Variants in HAPLN1 observed in about 807,000 individuals in gnomAD.
The protein encoded by HAPLN1 is hyaluronan and proteoglycan link protein 1.
A neutral mutation model predicts 36.5 loss-of-function variants in HAPLN1; 13 were observed. That is an observed-to-expected ratio of 0.36 (90% CI 0.23 to 0.57). HAPLN1 has a LOEUF of 0.57. Ranked by LOEUF, HAPLN1 falls within the 20% of genes least tolerant of loss-of-function variation. HAPLN1 has a pLI of 0.83. For missense variants in HAPLN1, 407 were observed against 439.7 expected (o/e 0.93, Z 0.66); for synonymous variants, 202 against 169.8 (o/e 1.19, Z -1.48).
At chr5:83,677,638 G>A (rs767287021) in intron 1 of HAPLN1, among the ~76,000 whole-genome samples, 2 of 152,134 alleles carry the variant, frequency 1.3e-5, no homozygotes, top group Non-Finnish European at 2.9e-5. Context: ...AGAAAAGTGA[G>A]CTCTATTCCA....
chr5:83,654,769 A>G (rs1194835818), intron 2 of HAPLN1, among the ~76,000 whole-genome samples: 5 of 152,232 alleles, frequency 3.3e-5, no homozygotes, highest in Admixed American at 6.5e-5. Flanking sequence ...ATATCATAGC[A>G]GTTGTGAACA....
At chr5:83,692,777 G>A (rs1020608313) in intron 1 of HAPLN1, among the ~76,000 whole-genome samples, 1 of 151,818 alleles carries the variant, frequency 6.6e-6, no homozygotes, top group Non-Finnish European at 1.5e-5. Context: ...AGGTAAAAAT[G>A]ATATGAATGT....
At chr5:83,695,439 T>A (rs1751370364) in intron 1 of HAPLN1, among the ~76,000 whole-genome samples, 1 of 151,904 alleles carries the variant, frequency 6.6e-6, no homozygotes, top group Admixed American at 6.6e-5. Flanking sequence ...ATTCATTACA[T>A]TAAGAGATAG....
At chr5:83,697,537 G>T (rs768208483) in intron 1 of HAPLN1, among the ~76,000 whole-genome samples, 13 of 151,968 alleles carry the variant, frequency 8.6e-5, no homozygotes, top group Non-Finnish European at 1.6e-4. Flanking sequence ...CATATTTTTT[G>T]AATTCTGGGC....
In HAPLN1 at chr5:83,648,430, T is replaced by C. The variant is rs920707231; in HGVS notation, c.473-3765A>G. ...ATATATATATATATATATATATATATATATATATGGTTTGAATCCAAGACA... is the reference window on the plus strand; with the variant it reads ...ATATATATATATATATATATATATACATATATATGGTTTGAATCCAAGACA... On this transcript the variant is annotated intron_variant, in intron 3 of 4. Coordinates refer to ENST00000274341, the MANE Select transcript of HAPLN1 (RefSeq NM_001884.4). Among the ~76,000 whole-genome samples the C allele has an allele frequency of 1.1e-3, 143 of 125,712 alleles. 2 individuals carry two copies. The highest frequency in any genetic ancestry group is 4.0e-3 in the African/African-American group (135 of 33,720). The allele number at this position is 125,712 out of a possible 152,430, so 82.5% of individuals were successfully genotyped here. A position where few individuals can be genotyped will look rare whatever the true frequency, so the allele number is the denominator to read the frequency against.
intron 1 of HAPLN1, among the ~76,000 whole-genome samples, chr5:83,712,957 T>C (rs1413578842): frequency 6.6e-6 from 1 of 150,654 alleles, no homozygotes; most frequent in Non-Finnish European, 1.5e-5. Flanking sequence ...TGACCTAAGA[T>C]TTAGAAGCCT....
intron 1 of HAPLN1, chr5:83,673,798 A>G: frequency 2.8e-6 from 1 of 352,216 alleles, no homozygotes; most frequent in Non-Finnish European, 5.1e-6. Context: ...TAAATCTAGA[A>G]ATTTAAAACA....
At chr5:83,679,095 T>C (rs960965834) in intron 1 of HAPLN1, among the ~76,000 whole-genome samples, 2 of 152,190 alleles carry the variant, frequency 1.3e-5, no homozygotes, top group Non-Finnish European at 2.9e-5. Context: ...TATATTTCAG[T>C]TTAATATTTA....
chr5:83,682,136 C>A (rs1462358690), intron 1 of HAPLN1, among the ~76,000 whole-genome samples: 1 of 152,182 alleles, frequency 6.6e-6, no homozygotes, highest in Non-Finnish European at 1.5e-5. Flanking sequence ...AAAATTTCAA[C>A]AGCTGTCAGT....
chr5:83,651,631 G>A (rs1009720762), intron 3 of HAPLN1, among the ~76,000 whole-genome samples: 2 of 39,272 alleles, frequency 5.1e-5, no homozygotes, highest in African/African-American at 2.0e-4. Flanking sequence ...TCTAGCAAGC[G>A]TACACTTAGA....
chr5:83,711,300 A>G (rs1018974297), intron 1 of HAPLN1, among the ~76,000 whole-genome samples: 16 of 152,226 alleles, frequency 1.1e-4, no homozygotes, highest in African/African-American at 3.9e-4. Context: ...GCCATAAAGC[A>G]TGAAAGATAC....
At chr5:83,698,868 C>T (rs1185833274) in intron 1 of HAPLN1, among the ~76,000 whole-genome samples, 2 of 152,122 alleles carry the variant, frequency 1.3e-5, no homozygotes, top group Non-Finnish European at 2.9e-5. Flanking sequence ...ACTTCATCAG[C>T]ATGGATATAG....
At chr5:83,650,327 G>A (rs1430846236) in intron 3 of HAPLN1, among the ~76,000 whole-genome samples, 1 of 152,128 alleles carries the variant, frequency 6.6e-6, no homozygotes, top group Non-Finnish European at 1.5e-5. Context: ...AAAATAAATA[G>A]AACATATGAT....
At chr5:83,674,118 T>C (rs1408679895) in intron 1 of HAPLN1, 1 of 152,934 alleles carries the variant, frequency 6.5e-6, no homozygotes, top group Non-Finnish European at 1.5e-5. Context: ...GCACATTTGT[T>C]ACAGATTCAC....
intron 1 of HAPLN1, among the ~76,000 whole-genome samples, chr5:83,711,594 C>T (rs1310064242): frequency 6.6e-6 from 1 of 152,146 alleles, no homozygotes; most frequent in East Asian, 1.9e-4. Context: ...CAGTTCACTG[C>T]CCTGGACCCG....
Position 83,673,484 on chromosome 5 carries a change from A to G in HAPLN1, c.40T>C (p.Trp14Arg). Residue 14 changes from tryptophan (W) to arginine (R), a missense_variant, in exon 2 of 5, where the codon TGG becomes CGG. Coordinates refer to ENST00000274341, the MANE Select transcript of HAPLN1 (RefSeq NM_001884.4). The part of the protein sequence containing the change: ...LLLLVLISIC[W>R]ADHLSDNYTL... ...TAGTTGTCTGAAAGATGATCAGCCCAGCAGATTGAAATCAGCACCAGAAGA... is the reference window on the plus strand; with the variant it reads ...TAGTTGTCTGAAAGATGATCAGCCCGGCAGATTGAAATCAGCACCAGAAGA... 2 of 1,613,928 alleles carry G rather than the reference A, an allele frequency of 1.2e-6. No homozygotes were observed. Among genetic ancestry groups the G allele is most frequent in the East Asian group, 2.2e-5 (1 of 44,866 alleles).
At chr5:83,705,254 G>A (rs1386470284) in intron 1 of HAPLN1, among the ~76,000 whole-genome samples, 1 of 151,956 alleles carries the variant, frequency 6.6e-6, no homozygotes, top group Non-Finnish European at 1.5e-5. Context: ...GCTGGGCATG[G>A]TGGCATGCAC....
rs79538241 is a variant in HAPLN1 at position 83,645,171 on chromosome 5, A to G, written c.473-506T>C. On this transcript the variant is annotated intron_variant, in intron 3 of 4. Transcript: ENST00000274341. ...TATCAAAATTCACAATGTTTTTCTTAGTGTTTTTCCTATATAATTAGTAAT... is the reference window on the plus strand; with the variant it reads ...TATCAAAATTCACAATGTTTTTCTTGGTGTTTTTCCTATATAATTAGTAAT... Among the ~76,000 whole-genome samples, 1,073 of 152,316 alleles carry G rather than the reference A, an allele frequency of 7.0e-3. 16 individuals carry two copies. Among genetic ancestry groups the G allele is most frequent in the African/African-American group, 0.024 (1,010 of 41,560 alleles).
At chr5:83,694,869 C>G (rs1751355397) in intron 1 of HAPLN1, among the ~76,000 whole-genome samples, 1 of 152,076 alleles carries the variant, frequency 6.6e-6, no homozygotes, top group African/African-American at 2.4e-5. Context: ...TTTACACAAA[C>G]TCTTAGATTA....
Sources: allele counts gnomAD v4.1 joint callset (sites outside exome capture counted in the v4.1 genomes callset), GRCh38; gene constraint gnomAD v4.1.1; transcripts MANE v1.5; gene names NCBI Gene and HGNC (gene_info 2026-07-23, HGNC 2026-07-21).